Variants in CABP5 observed in about 807,000 individuals in gnomAD.
The protein encoded by CABP5 is calcium binding protein 5.
In CABP5, 17 loss-of-function variants were observed where a neutral mutation model predicts 21.9. The observed-to-expected ratio is 0.78, with a 90% CI of 0.53 to 1.17. The LOEUF is 1.17. CABP5 is among the 50% of genes most tolerant of loss of function. The pLI, the probability that CABP5 is intolerant of heterozygous loss-of-function variation, is 0.00. For missense variants in CABP5, 229 were observed against 228.9 expected (o/e 1.00, Z 0.00); for synonymous variants, 85 against 79.4 (o/e 1.07, Z -0.37).
Position 48,032,414 on chromosome 19 carries a change from C to T in CABP5, c.496+1801G>A, listed in dbSNP as rs67679257. 1.6e-4 allele frequency among the ~76,000 whole-genome samples: 24 copies of T among 150,020 alleles called. 1 individual carries two copies. The highest frequency in any genetic ancestry group is 4.7e-4 in the African/African-American group (19 of 40,680). ...CAGTGGGGCGATCTCACTGCAACCT[C>T]CGCCTCCCAAGTTCAAGCAATTCTC... On this transcript the variant is annotated intron_variant, in intron 5 of 5. Coordinates refer to ENST00000293255, the MANE Select transcript of CABP5 (RefSeq NM_019855.5).
At chr19:48,037,108 T>C (rs901137756) in intron 4 of CABP5, among the ~76,000 whole-genome samples, 1 of 152,014 alleles carries the variant, frequency 6.6e-6, no homozygotes, top group African/African-American at 2.4e-5. Flanking sequence ...TCTAAAGTAA[T>C]TGAAATCAGT....
At chr19:48,042,643 C>G (rs1431736710) in intron 1 of CABP5, among the ~76,000 whole-genome samples, 1 of 151,126 alleles carries the variant, frequency 6.6e-6, no homozygotes, top group Non-Finnish European at 1.5e-5. Context: ...GGCACGAACT[C>G]GGCTCACTGC....
Position 48,040,702 on chromosome 19 carries a change from G to A in CABP5, c.141C>T (p.Phe47=). The part of the protein sequence containing the change: ...FLEFDKDRDG[F]ISCKDLGNLM... ...GATTCCCCAGATCCTTACAAGAGAT[G>A]AACCCATCTCGGTCCTTATCGAACT... is the stretch of plus-strand genomic sequence containing the variant. Residue 47 remains phenylalanine (F), a synonymous_variant, in exon 3 of 6, where the codon TTC becomes TTT. Coordinates refer to ENST00000293255, the MANE Select transcript of CABP5 (RefSeq NM_019855.5). 6.2e-7 allele frequency: 1 copy of A among 1,613,976 alleles called. No homozygotes were observed. The highest frequency in any genetic ancestry group is 8.5e-7 in the Non-Finnish European group (1 of 1,179,934).
At chr19:48,038,444 T>C (rs1253180422) in intron 4 of CABP5, among the ~76,000 whole-genome samples, 1 of 152,246 alleles carries the variant, frequency 6.6e-6, no homozygotes, top group African/African-American at 2.4e-5. Flanking sequence ...TTTTAGTATG[T>C]CTGCAGCAAG....
chr19:48,032,291 C>A (rs187018244), intron 5 of CABP5, among the ~76,000 whole-genome samples: 4 of 151,760 alleles, frequency 2.6e-5, no homozygotes, highest in Admixed American at 1.3e-4. Context: ...GTGGGCGAGG[C>A]CAGATGATGG....
Position 48,030,434 on chromosome 19 carries a change from C to T in CABP5, c.*123G>A. 1 of 972,166 alleles carries T rather than the reference C, an allele frequency of 1.0e-6. No homozygotes were observed. The highest frequency in any genetic ancestry group is 1.6e-6 in the Non-Finnish European group (1 of 638,810). The allele number at this position is 972,166 out of a possible 1,614,324, so 60.2% of individuals were successfully genotyped here. A position where few individuals can be genotyped will look rare whatever the true frequency, so the allele number is the denominator to read the frequency against. On this transcript the variant is annotated 3_prime_UTR_variant, in exon 6 of 6. Coordinates refer to ENST00000293255, the MANE Select transcript of CABP5 (RefSeq NM_019855.5). ...CATGCACAGCGCCGCATGCCAATGCCCTCCCTCCCGCCTGCCCTCCCTCTC... is the reference window on the plus strand; with the variant it reads ...CATGCACAGCGCCGCATGCCAATGCTCTCCCTCCCGCCTGCCCTCCCTCTC...
rs1163091329 is a variant in CABP5 at position 48,040,609 on chromosome 19, C to A, written c.234G>T (p.Met78Ile). 6.2e-7 allele frequency: 1 copy of A among 1,613,860 alleles called. No homozygotes were observed. Among genetic ancestry groups the A allele is most frequent in the African/African-American group, 1.3e-5 (1 of 75,014 alleles). ...CCTCCCATTCCCTGGACTCACGGTT[C>A]ATGCGGATTTGCTGGCCGAGCTCAA... ...ELIELGQQIR[M>I]NLGGRVDFDD... Residue 78 changes from methionine (M) to isoleucine (I), a missense_variant, in exon 3 of 6, where the codon ATG (methionine) becomes ATT (isoleucine). Met to Ile is a conservative substitution (Grantham distance 10). Coordinates refer to ENST00000293255, the MANE Select transcript of CABP5 (RefSeq NM_019855.5).
At chr19:48,035,696 C>T (rs1967399437) in intron 4 of CABP5, among the ~76,000 whole-genome samples, 1 of 152,194 alleles carries the variant, frequency 6.6e-6, no homozygotes. Flanking sequence ...TTAACAAGTG[C>T]CGTAAGGCAG....
rs766130275 is a variant in CABP5 at position 48,040,673 on chromosome 19, A to C, written c.170T>G (p.Met57Arg). 1.5e-5 allele frequency: 24 copies of C among 1,613,820 alleles called. No homozygotes were observed. The East Asian group carries it at 5.3e-4, about 36-fold the overall frequency. ...CGTGGGCATGTAACCCATCGTCCTC[A>C]TGAGATTCCCCAGATCCTTACAAGA... The part of the protein sequence containing the change: ...FISCKDLGNL[M>R]RTMGYMPTEM... Residue 57 changes from methionine (M) to arginine (R), a missense_variant, in exon 3 of 6, where the codon ATG becomes AGG. Transcript: ENST00000293255.
At chr19:48,037,259 C>CTATTTTTTTTT (rs1967420294) in intron 4 of CABP5, among the ~76,000 whole-genome samples, 1 of 44,958 alleles carries the variant, frequency 2.2e-5, no homozygotes, top group African/African-American at 7.3e-5. Context: ...TACTATTCAG[C>CTATTTTTTTTT]TTTTTTTTTT....
intron 4 of CABP5, among the ~76,000 whole-genome samples, chr19:48,037,195 T>A (rs1031043113): frequency 6.9e-5 from 10 of 144,744 alleles, no homozygotes; most frequent in African/African-American, 2.5e-4. Flanking sequence ...GCAACCTGTG[T>A]CCATCAAAAC....
In CABP5 at chr19:48,040,594, C is replaced by A. The variant is rs1208261000; in HGVS notation, c.238+11G>T. ...CTAACCCCGGCCATCCCTCCCATTC[C>A]CTGGACTCACGGTTCATGCGGATTT... is the stretch of plus-strand genomic sequence containing the variant. On this transcript the variant is annotated intron_variant, in intron 3 of 5. Coordinates refer to ENST00000293255, the MANE Select transcript of CABP5 (RefSeq NM_019855.5). 6.2e-7 allele frequency: 1 copy of A among 1,613,826 alleles called. No homozygotes were observed. Among genetic ancestry groups the A allele is most frequent in the Non-Finnish European group, 8.5e-7 (1 of 1,179,786 alleles).
At chr19:48,039,134 G>T in intron 4 of CABP5, 74 bp downstream of exon 4, 1 of 1,187,012 alleles carries the variant, frequency 8.4e-7, no homozygotes, top group Non-Finnish European at 1.3e-6. Context: ...GCTGTCCATG[G>T]CATTGGCTAA....
chr19:48,040,030 A>C (rs890559147), intron 3 of CABP5, among the ~76,000 whole-genome samples: 1 of 151,914 alleles, frequency 6.6e-6, no homozygotes, highest in Non-Finnish European at 1.5e-5. Context: ...CCTCAATAGG[A>C]ATTTTATTCT....
In CABP5 at chr19:48,029,828, G is replaced by GAGAGAGAGAGAGAGAGAGAGAA. The variant is rs1224439008; in HGVS notation, c.*728_*729insTTCTCTCTCTCTCTCTCTCTCT. 1 of 150,424 alleles carries GAGAGAGAGAGAGAGAGAGAGAA rather than the reference G, an allele frequency of 6.6e-6. No individual in the cohort carries two copies. The highest frequency in any genetic ancestry group is 2.5e-5 in the African/African-American group (1 of 40,294). The allele number at this position is 150,424 out of a possible 1,614,324, so 9.3% of individuals were successfully genotyped here. On this transcript the variant is annotated 3_prime_UTR_variant, in exon 6 of 6. Coordinates refer to ENST00000293255, the MANE Select transcript of CABP5 (RefSeq NM_019855.5). ...AGAGAGAGAGAGAGAGAGAGAGAGA[G>GAGAGAGAGAGAGAGAGAGAGAA]AGAGAGAGAAACCAGACAGTGCTTC...
intron 5 of CABP5, among the ~76,000 whole-genome samples, chr19:48,032,323 A>G (rs1322300859): frequency 2.3e-5 from 3 of 130,260 alleles, no homozygotes; most frequent in African/African-American, 8.5e-5. Flanking sequence ...TATCAGACAA[A>G]TAATTTTGGA....
intron 1 of CABP5, among the ~76,000 whole-genome samples, chr19:48,043,382 A>C (rs140021818): frequency 6.0e-5 from 9 of 150,766 alleles, no homozygotes; most frequent in Non-Finnish European, 1.2e-4. Context: ...CCTCACCTGT[A>C]AAATGGGAAT....
At chr19:48,032,354 A>G (rs1967349865) in intron 5 of CABP5, among the ~76,000 whole-genome samples, 1 of 135,886 alleles carries the variant, frequency 7.4e-6, no homozygotes, top group Admixed American at 7.7e-5. Context: ...TTTTTTCTGG[A>G]GACGGAGTCT....
chr19:48,040,398 A>G (rs1042193119), intron 3 of CABP5, among the ~76,000 whole-genome samples: 1 of 152,210 alleles, frequency 6.6e-6, no homozygotes, highest in Non-Finnish European at 1.5e-5. Context: ...AATAGAACTG[A>G]GATTTGAACC....
Sources: allele counts gnomAD v4.1 joint callset (sites outside exome capture counted in the v4.1 genomes callset), GRCh38; gene constraint gnomAD v4.1.1; transcripts MANE v1.5; gene names NCBI Gene and HGNC (gene_info 2026-07-23, HGNC 2026-07-21).